Variants in ROR1 observed in about 807,000 individuals in gnomAD.
ROR1 encodes the protein ROR family WNT receptor 1.
A neutral mutation model predicts 78.8 loss-of-function variants in ROR1; 19 were observed. The observed-to-expected ratio is 0.24, with a 90% CI of 0.17 to 0.35. The LOEUF (loss-of-function observed/expected upper bound fraction) is 0.35, where lower values mean the gene tolerates loss of function less well. ROR1 is among the 10% of genes least tolerant of loss of function. The pLI, the probability that ROR1 is intolerant of heterozygous loss-of-function variation, is 1.00. For missense variants in ROR1, 917 were observed against 1,177.8 expected (o/e 0.78, Z 3.24); for synonymous variants, 386 against 433.6 (o/e 0.89, Z 1.36).
chr1:64,055,284 A>G (rs1646865224), intron 4 of ROR1, among the ~76,000 whole-genome samples: 1 of 152,240 alleles, frequency 6.6e-6, no homozygotes, highest in Admixed American at 6.5e-5. Flanking sequence ...AATATTGGGA[A>G]TGATAGTTTG....
At chr1:64,051,588 C>T (rs1200919530) in intron 4 of ROR1, among the ~76,000 whole-genome samples, 2 of 152,134 alleles carry the variant, frequency 1.3e-5, no homozygotes, top group African/African-American at 2.4e-5. Flanking sequence ...TTGAGTCCCT[C>T]GTTAATGGAG....
intron 1 of ROR1, among the ~76,000 whole-genome samples, chr1:63,869,983 TA>T (rs1645241518): frequency 6.6e-6 from 1 of 152,242 alleles, no homozygotes; most frequent in Non-Finnish European, 1.5e-5. Flanking sequence ...ACTCTGTACA[TA>T]ATATGCTTTT....
chr1:64,054,222 G>A (rs1383772375), intron 4 of ROR1, among the ~76,000 whole-genome samples: 4 of 152,082 alleles, frequency 2.6e-5, no homozygotes, highest in African/African-American at 9.7e-5. Context: ...CCAAAGTGCT[G>A]GGATTGCAGG....
intron 4 of ROR1, among the ~76,000 whole-genome samples, chr1:64,094,002 T>G (rs1289707105): frequency 6.6e-6 from 1 of 152,212 alleles, no homozygotes; most frequent in Admixed American, 6.5e-5. Context: ...AGAACTTACA[T>G]TGAAAGCTAG....
chr1:64,158,807 T>C (rs1414880745), intron 7 of ROR1, among the ~76,000 whole-genome samples, 174 bp from the exon 8 acceptor site: 3 of 152,230 alleles, frequency 2.0e-5, no homozygotes, highest in African/African-American at 7.2e-5. Context: ...CAATAAATTA[T>C]GTTGAAGGTT....
At position 64,050,717 on chromosome 1, in the gene ROR1, G is replaced by GT; in HGVS notation, c.482+2dup. 1 of 1,613,420 alleles carries GT rather than the reference G, an allele frequency of 6.2e-7. No individual in the cohort carries two copies. The highest frequency in any genetic ancestry group is 8.5e-7 in the Non-Finnish European group (1 of 1,179,594). ...CTCCCACTGCAAGTCCAGGATACTC[G>GT]TAAGTACTTTTATCTCCTTTCTTGT... On this transcript the variant is annotated splice_donor_variant, in intron 4 of 8. Coordinates refer to ENST00000371079, the MANE Select transcript of ROR1 (RefSeq NM_005012.4). LOFTEE classifies it high-confidence loss of function.
At chr1:63,789,909 C>T (rs1427987786) in intron 1 of ROR1, among the ~76,000 whole-genome samples, 2 of 152,076 alleles carry the variant, frequency 1.3e-5, no homozygotes, top group Non-Finnish European at 2.9e-5. Context: ...CAGGCAGGCC[C>T]TCCCAAGCTG....
chr1:63,880,656 T>A (rs766402778), intron 1 of ROR1, among the ~76,000 whole-genome samples: 2 of 152,220 alleles, frequency 1.3e-5, no homozygotes, highest in Non-Finnish European at 2.9e-5. Flanking sequence ...GTTTGAGGTG[T>A]TGGCTCTGTT....
intron 2 of ROR1, among the ~76,000 whole-genome samples, chr1:64,026,665 A>C (rs905822531): frequency 6.6e-6 from 1 of 152,224 alleles, no homozygotes; most frequent in African/African-American, 2.4e-5. Flanking sequence ...CAGAAAGTTT[A>C]CAATCATGGC....
chr1:64,036,895 A>G (rs1646706579), intron 2 of ROR1, among the ~76,000 whole-genome samples: 1 of 152,206 alleles, frequency 6.6e-6, no homozygotes, highest in African/African-American at 2.4e-5. Context: ...AGACTTTGTC[A>G]TTCACATGTC....
chr1:64,165,705 T>TG (rs1251190974), intron 8 of ROR1, among the ~76,000 whole-genome samples: 7 of 145,704 alleles, frequency 4.8e-5, no homozygotes, highest in Non-Finnish European at 1.1e-4. Context: ...GTTTTACTTT[T>TG]TTTTTTTTTT....
chr1:63,859,254 C>T (rs1469997433), intron 1 of ROR1, among the ~76,000 whole-genome samples: 2 of 152,142 alleles, frequency 1.3e-5, no homozygotes, highest in Non-Finnish European at 2.9e-5. Flanking sequence ...GTCACCTTAT[C>T]CTACTCAATG....
chr1:64,074,126 G>A (rs538357071), intron 4 of ROR1, among the ~76,000 whole-genome samples: 55 of 152,166 alleles, frequency 3.6e-4, no homozygotes, highest in Non-Finnish European at 6.8e-4. Context: ...TTCCTTTGCG[G>A]AAAACCACCT....
chr1:63,923,393 G>A lies in ROR1; in HGVS notation c.92-85912G>A, dbSNP rs149098080. ...CAAGTGGGAATAAGGATAGTACTCC[G>A]TTCTCTGAGTTGTGAGGGTTAATTG... is the stretch of plus-strand genomic sequence containing the variant. On this transcript the variant is annotated intron_variant, in intron 1 of 8. Coordinates refer to ENST00000371079, the MANE Select transcript of ROR1 (RefSeq NM_005012.4). Among the ~76,000 whole-genome samples, 1,220 of 152,174 alleles carry A rather than the reference G, an allele frequency of 8.0e-3. 18 individuals carry two copies. Among genetic ancestry groups the A allele is most frequent in the Middle Eastern group, 0.034 (10 of 294 alleles).
Position 64,179,022 on chromosome 1 carries a change from CAGAAA to C in ROR1, c.*169_*173del. 2 of 156,494 alleles carry C rather than the reference CAGAAA, an allele frequency of 1.3e-5. No individual in the cohort carries two copies. Among genetic ancestry groups the C allele is most frequent in the Admixed American group, 1.1e-4 (1 of 8,782 alleles). The allele number at this position is 156,494 out of a possible 1,614,324, so 9.7% of individuals were successfully genotyped here. ...TTACCAAGCAGGACAGACACTCGGCCAGAAAAAAAAAAAAAAAAAAAAAACAAGCA... is the reference window on the plus strand; with the variant it reads ...TTACCAAGCAGGACAGACACTCGGCCAAAAAAAAAAAAAAAAAAACAAGCA... On this transcript the variant is annotated 3_prime_UTR_variant, in exon 9 of 9. Coordinates refer to ENST00000371079, the MANE Select transcript of ROR1 (RefSeq NM_005012.4).
At chr1:63,836,586 G>A (rs1236636226) in intron 1 of ROR1, among the ~76,000 whole-genome samples, 1 of 152,126 alleles carries the variant, frequency 6.6e-6, no homozygotes, top group Non-Finnish European at 1.5e-5. Flanking sequence ...ACAGAAAGAG[G>A]AACAGACACT....
chr1:63,824,211 G>A (rs909438583), intron 1 of ROR1, among the ~76,000 whole-genome samples: 1 of 152,122 alleles, frequency 6.6e-6, no homozygotes, highest in Admixed American at 6.6e-5. Context: ...ATCAACAAAT[G>A]TTTTCTGTAA....
intron 1 of ROR1, among the ~76,000 whole-genome samples, chr1:63,902,036 G>A (rs1426889930): frequency 2.6e-5 from 4 of 152,160 alleles, no homozygotes; most frequent in African/African-American, 4.8e-5. Flanking sequence ...TTATGGTGAC[G>A]TTATTGAAAC....
At position 64,069,516 on chromosome 1, in the gene ROR1, ATGTGTG is replaced by A. The variant is rs143372488; in HGVS notation, c.482+18818_482+18823del. ...CAGACTACATTTCCTCTTGGGTTAA[ATGTGTG>A]TGTGTGTGTGTGTGTGTACACGTGT... On this transcript the variant is annotated intron_variant, in intron 4 of 8. Coordinates refer to ENST00000371079, the MANE Select transcript of ROR1 (RefSeq NM_005012.4). 2.1e-4 allele frequency among the ~76,000 whole-genome samples: 31 copies of A among 150,422 alleles called. No individual in the cohort carries two copies. The East Asian group carries it at 2.7e-3, about 13-fold the overall frequency.
Sources: allele counts gnomAD v4.1 joint callset (sites outside exome capture counted in the v4.1 genomes callset), GRCh38; gene constraint gnomAD v4.1.1; transcripts MANE v1.5; gene names NCBI Gene and HGNC (gene_info 2026-07-23, HGNC 2026-07-21).